The following DPYD variants were observed in gnomAD, a reference collection of about 807,000 sequenced individuals.
The protein encoded by DPYD is dihydropyrimidine dehydrogenase, also known as dihydropyrimidine dehydrogenase [NADP(+)].
Under a neutral mutation model 116.2 loss-of-function variants are expected in DPYD, and 109 were observed. The observed-to-expected ratio is 0.94, with a 90% CI of 0.80 to 1.10. DPYD has a LOEUF of 1.10. DPYD is among the 50% of genes least tolerant of loss of function. DPYD has a pLI of 0.00. For synonymous variants in DPYD, 440 were observed against 432.0 expected (o/e 1.02, Z -0.23); for missense variants, 1,302 against 1,254.5 (o/e 1.04, Z -0.57).
At chr1:97,484,027 G>A (rs1678473578) in intron 13 of DPYD, among the ~76,000 whole-genome samples, 1 of 152,148 alleles carries the variant, frequency 6.6e-6, no homozygotes, top group Admixed American at 6.5e-5. Context: ...ATTTCCAACT[G>A]GGTCCCATGG....
At chr1:97,178,037 C>T (rs1248869916) in intron 20 of DPYD, among the ~76,000 whole-genome samples, 1 of 152,108 alleles carries the variant, frequency 6.6e-6, no homozygotes, top group East Asian at 1.9e-4. Context: ...CTCCTAATAG[C>T]ATCACCTTGG....
chr1:97,629,204 C>A (rs1237708817), intron 8 of DPYD, among the ~76,000 whole-genome samples: 1 of 152,060 alleles, frequency 6.6e-6, no homozygotes, highest in Non-Finnish European at 1.5e-5. Flanking sequence ...CTGATGAATT[C>A]TTACCACTTA....
At chr1:97,279,574 G>A (rs1021353162) in intron 18 of DPYD, among the ~76,000 whole-genome samples, 2 of 152,132 alleles carry the variant, frequency 1.3e-5, no homozygotes, top group African/African-American at 2.4e-5. Context: ...GCAGTGGTGC[G>A]ATCTTGGGTC....
intron 14 of DPYD, among the ~76,000 whole-genome samples, chr1:97,433,127 G>A (rs1328825355): frequency 1.3e-5 from 2 of 152,100 alleles, no homozygotes; most frequent in Admixed American, 6.5e-5. Flanking sequence ...AACTAGTGAA[G>A]GCCTAGAATG....
intron 14 of DPYD, among the ~76,000 whole-genome samples, chr1:97,438,706 TA>T (rs746711052): frequency 2.3e-4 from 35 of 149,330 alleles, no homozygotes; most frequent in African/African-American, 5.6e-4. Context: ...TTACTGTAAT[TA>T]AAAAAAAAAT....
intron 18 of DPYD, among the ~76,000 whole-genome samples, chr1:97,297,116 A>T (rs1392450180): frequency 6.6e-6 from 1 of 152,186 alleles, no homozygotes; most frequent in East Asian, 1.9e-4. Flanking sequence ...AAACCACAGA[A>T]ATAATGTACT....
intron 16 of DPYD, among the ~76,000 whole-genome samples, chr1:97,347,675 T>C (rs1669926720): frequency 1.3e-5 from 2 of 152,068 alleles, no homozygotes; most frequent in African/African-American, 4.8e-5. Flanking sequence ...TATTGACTGA[T>C]TGTTTTTTCA....
chr1:97,531,985 ATTTG>A (rs1451107466), intron 12 of DPYD, among the ~76,000 whole-genome samples: 5 of 151,958 alleles, frequency 3.3e-5, no homozygotes, highest in African/African-American at 1.2e-4. Context: ...ACTTTACTGA[ATTTG>A]TTTATTAGAT....
At chr1:97,450,327 C>T (rs1217299712) in intron 13 of DPYD, 104 bp from the exon 14 acceptor site, 3 of 1,251,014 alleles carry the variant, frequency 2.4e-6, no homozygotes, top group Non-Finnish European at 3.3e-6. Context: ...GGTCCCTTCT[C>T]ACATTTTTGC....
intron 13 of DPYD, among the ~76,000 whole-genome samples, chr1:97,462,070 G>C (rs1677065743): frequency 6.6e-6 from 1 of 151,762 alleles, no homozygotes; most frequent in South Asian, 2.1e-4. Flanking sequence ...GCCCTCACAG[G>C]GTAAGGTTTC....
chr1:97,821,930 AAGTAAG>A (rs1443193592), intron 3 of DPYD, among the ~76,000 whole-genome samples: 3 of 152,050 alleles, frequency 2.0e-5, no homozygotes, highest in African/African-American at 7.2e-5. Flanking sequence ...TTTTACAAAA[AAGTAAG>A]AGTAAAATAA....
intron 14 of DPYD, among the ~76,000 whole-genome samples, chr1:97,401,077 C>T (rs992760055): frequency 6.6e-6 from 1 of 151,962 alleles, no homozygotes; most frequent in Admixed American, 6.6e-5. Context: ...TGTAGAGTAC[C>T]TTTTCATATG....
chr1:97,416,578 C>G (rs1316981445), intron 14 of DPYD, among the ~76,000 whole-genome samples: 1 of 152,160 alleles, frequency 6.6e-6, no homozygotes, highest in Non-Finnish European at 1.5e-5. Context: ...ACTGATATAT[C>G]ACTTCTCTTG....
chr1:97,881,862 G>T (rs142770769), intron 2 of DPYD, among the ~76,000 whole-genome samples: 2 of 151,660 alleles, frequency 1.3e-5, no homozygotes, highest in African/African-American at 4.8e-5. Context: ...GGACTGTTGT[G>T]GGGTGGGGGG....
chr1:97,847,955 C>T (rs1305165749), intron 2 of DPYD, among the ~76,000 whole-genome samples: 1 of 152,046 alleles, frequency 6.6e-6, no homozygotes, highest in Non-Finnish European at 1.5e-5. Context: ...ATGCAAAGCA[C>T]ATGATTGTTT....
rs115101372 is a variant in DPYD, at chr1:97,744,973, G to A, written c.234-4494C>T. On this transcript the variant is annotated intron_variant, in intron 3 of 22. Coordinates refer to ENST00000370192, the MANE Select transcript of DPYD (RefSeq NM_000110.4). ...AAGATGGCTGGTATCTTTAAAACAT[G>A]ATAGGACTAACTCCATGTTCTGATC... is the stretch of plus-strand genomic sequence containing the variant. 3.2e-3 allele frequency among the ~76,000 whole-genome samples: 487 copies of A among 152,108 alleles called. 5 individuals are homozygous for A. The highest frequency in any genetic ancestry group is 0.011 in the African/African-American group (467 of 41,534).
At chr1:97,207,482 T>C (rs1239013456) in intron 19 of DPYD, among the ~76,000 whole-genome samples, 1 of 152,172 alleles carries the variant, frequency 6.6e-6, no homozygotes, top group Non-Finnish European at 1.5e-5. Context: ...GATTTTTGCA[T>C]CTCTGGTGTT....
chr1:97,863,452 A>G (rs967038755), intron 2 of DPYD, among the ~76,000 whole-genome samples: 1 of 151,958 alleles, frequency 6.6e-6, no homozygotes, highest in Admixed American at 6.6e-5. Context: ...ATACATAAGA[A>G]GATATATACA....
At chr1:97,919,071 T>C (rs1674369553) in intron 1 of DPYD, among the ~76,000 whole-genome samples, 1 of 152,248 alleles carries the variant, frequency 6.6e-6, no homozygotes, top group Admixed American at 6.5e-5. Flanking sequence ...AAGCTTAATG[T>C]ATTTTTCCTC....
Sources: allele counts gnomAD v4.1 joint callset (sites outside exome capture counted in the v4.1 genomes callset), GRCh38; gene constraint gnomAD v4.1.1; transcripts MANE v1.5; gene names NCBI Gene and HGNC (gene_info 2026-07-23, HGNC 2026-07-21).